SOX30: variants seen among roughly 807,000 people sequenced by gnomAD.
SOX30 encodes the protein SRY-box transcription factor 30, also known as transcription factor SOX-30.
In SOX30, 17 loss-of-function variants were observed where a neutral mutation model predicts 58.6. That is an observed-to-expected ratio of 0.29 (90% confidence interval 0.20 to 0.44). SOX30 has a LOEUF of 0.44. Ranked by LOEUF, SOX30 falls within the 20% of genes least tolerant of loss-of-function variation. SOX30 has a pLI of 1.00. For missense variants in SOX30, 951 were observed against 965.8 expected (o/e 0.98, Z 0.20); for synonymous variants, 421 against 400.2 (o/e 1.05, Z -0.62).
At chr5:157,664,425 C>T (rs577159226) in intron 2 of SOX30, among the ~76,000 whole-genome samples, 75 of 152,294 alleles carry the variant, frequency 4.9e-4, no homozygotes, top group Non-Finnish European at 7.9e-4. Flanking sequence ...CTTCCTTACA[C>T]CTTATACAAA....
At chr5:157,663,986 A>T (rs7731627) in intron 2 of SOX30, among the ~76,000 whole-genome samples, 2 of 152,006 alleles carry the variant, frequency 1.3e-5, no homozygotes, top group Admixed American at 1.3e-4. Context: ...ATGCTCATGG[A>T]TAGGAAGAAT....
chr5:157,657,332 C>T (rs1388021505), upstream of SOX30, among the ~76,000 whole-genome samples: 2 of 152,098 alleles, frequency 1.3e-5, no homozygotes, highest in Non-Finnish European at 2.9e-5. Context: ...ATTTCCTTAT[C>T]AATTGAGACT....
At chr5:157,645,721 G>C (rs534952422) in intron 3 of SOX30, among the ~76,000 whole-genome samples, 2 of 151,694 alleles carry the variant, frequency 1.3e-5, no homozygotes, top group East Asian at 3.9e-4. Flanking sequence ...CTTAAAGATG[G>C]TTAAAACATG....
intron 3 of SOX30, among the ~76,000 whole-genome samples, chr5:157,639,201 G>T (rs757088360): frequency 6.6e-6 from 1 of 152,278 alleles, no homozygotes; most frequent in Non-Finnish European, 1.5e-5. Flanking sequence ...TGATCTAAGA[G>T]AGGGGACAGG....
At position 157,638,273 on chromosome 5, in the gene SOX30, G is replaced by A; in HGVS notation, c.1837C>T (p.His613Tyr). The A allele has an allele frequency of 6.4e-7, 1 of 1,570,290 alleles. No individual in the cohort carries two copies. Among genetic ancestry groups the A allele is most frequent in the Non-Finnish European group, 8.6e-7 (1 of 1,156,750 alleles). Reference protein sequence around the residue: ...LFGTPPRFSFHHPYFLPGPHY... With the variant: ...LFGTPPRFSFYHPYFLPGPHY... ...GGTCCGGGTAGGAAGTAAGGGTGAT[G>A]AAAAGAGAATCTTGGTGGTGTCCCG... Residue 613 changes from histidine to tyrosine, a missense_variant, in exon 4 of 5, where the codon CAT (histidine) becomes TAT (tyrosine). His to Tyr is a moderately conservative substitution (Grantham distance 83). Coordinates refer to ENST00000265007, the MANE Select transcript of SOX30 (RefSeq NM_178424.2).
rs114598247 is a variant in SOX30, at chr5:157,648,976, G to A, written c.968-80C>T. ...CAATTTTAAGGTAAAGTGCACCTCCGTCTATACTTATTTTTGAAATATCTG... is the reference window on the plus strand; with the variant it reads ...CAATTTTAAGGTAAAGTGCACCTCCATCTATACTTATTTTTGAAATATCTG... On this transcript the variant is annotated intron_variant, in intron 1 of 4. Coordinates refer to ENST00000265007, the MANE Select transcript of SOX30 (RefSeq NM_178424.2). 1,608 of 1,478,858 alleles carry A rather than the reference G, an allele frequency of 1.1e-3. 12 individuals carry two copies. In the African/African-American group the frequency reaches 0.02, roughly 18 times the overall value. The allele number at this position is 1,478,858 out of a possible 1,614,324, so 91.6% of individuals were successfully genotyped here.
intron 1 of SOX30, among the ~76,000 whole-genome samples, chr5:157,649,727 T>C (rs544742661): frequency 5.9e-5 from 9 of 152,032 alleles, no homozygotes; most frequent in African/African-American, 2.2e-4. Context: ...GAGGTGGAGG[T>C]TGCAGCGAGC....
Position 157,648,902 on chromosome 5 carries a change from T to A in SOX30, c.968-6A>T. 1 of 1,582,804 alleles carries A rather than the reference T, an allele frequency of 6.3e-7. No homozygotes were observed. Among genetic ancestry groups the A allele is most frequent in the South Asian group, 1.1e-5 (1 of 88,938 alleles). On this transcript the variant is annotated splice_polypyrimidine_tract_variant and splice_region_variant and intron_variant, in intron 1 of 4. Transcript: ENST00000265007. ...GAAGGGAGTATCTGGTATGCCTACATGACAAAAATTAAAAGGCTAAATTAA... is the reference window on the plus strand; with the variant it reads ...GAAGGGAGTATCTGGTATGCCTACAAGACAAAAATTAAAAGGCTAAATTAA...
intron 2 of SOX30, among the ~76,000 whole-genome samples, chr5:157,663,702 C>A (rs1017281808): frequency 6.6e-6 from 1 of 152,120 alleles, no homozygotes; most frequent in African/African-American, 2.4e-5. Context: ...ATTTAGAAAA[C>A]CCCATTGTCT....
intron 3 of SOX30, among the ~76,000 whole-genome samples, chr5:157,642,637 C>CA (rs1019147687): frequency 1.4e-4 from 21 of 151,442 alleles, no homozygotes; most frequent in Non-Finnish European, 2.5e-4. Flanking sequence ...GGCTAACTGG[C>CA]AAAAAAATAA....
At chr5:157,669,979 G>T (rs931666366) in intron 1 of SOX30, among the ~76,000 whole-genome samples, 1 of 152,194 alleles carries the variant, frequency 6.6e-6, no homozygotes, top group Non-Finnish European at 1.5e-5. Context: ...AGCTAGGGCT[G>T]CCTTGTTCTA....
chr5:157,668,169 C>T (rs571238344), intron 1 of SOX30, among the ~76,000 whole-genome samples: 1 of 152,324 alleles, frequency 6.6e-6, no homozygotes, highest in South Asian at 2.1e-4. Context: ...TTGGAGCCTT[C>T]GTTTATGGTC....
intron 4 of SOX30, among the ~76,000 whole-genome samples, chr5:157,634,046 G>A (rs898793335): frequency 7.2e-5 from 11 of 152,196 alleles, no homozygotes; most frequent in Admixed American, 3.9e-4. Flanking sequence ...AACACAATAT[G>A]ATGATGGTTA....
intron 3 of SOX30, among the ~76,000 whole-genome samples, chr5:157,645,104 G>A (rs747482743): frequency 6.6e-6 from 1 of 152,198 alleles, no homozygotes; most frequent in Non-Finnish European, 1.5e-5. Flanking sequence ...GTGCCTGCCT[G>A]TGCTAGGACA....
At chr5:157,669,562 C>A (rs946216322) in intron 1 of SOX30, among the ~76,000 whole-genome samples, 7 of 150,466 alleles carry the variant, frequency 4.7e-5, no homozygotes, top group African/African-American at 1.7e-4. Flanking sequence ...GTCGCCCAGG[C>A]TGGAAGTGCA....
At chr5:157,663,948 G>T (rs1167497624) in intron 2 of SOX30, among the ~76,000 whole-genome samples, 4 of 152,132 alleles carry the variant, frequency 2.6e-5, no homozygotes, top group South Asian at 2.1e-4. Context: ...CAAAATAAAA[G>T]AGGACAAAAA....
rs144564116 is a variant in SOX30 at position 157,645,112 on chromosome 5, A to C, written c.1387+1525T>G. Among the ~76,000 whole-genome samples, 584 of 152,306 alleles carry C rather than the reference A, an allele frequency of 3.8e-3. 3 individuals are homozygous for C. The highest frequency in any genetic ancestry group is 0.013 in the African/African-American group (544 of 41,558). ...ACTGAGAGTGCCTGCCTGTGCTAGG[A>C]CAGAACAGGGCTATAGGATCAGCTT... On this transcript the variant is annotated intron_variant, in intron 3 of 4. Coordinates refer to ENST00000265007, the MANE Select transcript of SOX30 (RefSeq NM_178424.2).
At chr5:157,669,946 A>G (rs1253770952) in intron 1 of SOX30, among the ~76,000 whole-genome samples, 1 of 152,198 alleles carries the variant, frequency 6.6e-6, no homozygotes, top group African/African-American at 2.4e-5. Flanking sequence ...ACTCAAATGC[A>G]TCAGGCTCAC....
chr5:157,640,946 C>T (rs1032864544), intron 3 of SOX30, among the ~76,000 whole-genome samples: 3 of 152,156 alleles, frequency 2.0e-5, no homozygotes, highest in South Asian at 2.1e-4. Context: ...GCCAGAGAAC[C>T]CTTTCTCCTG....
Sources: allele counts gnomAD v4.1 joint callset (sites outside exome capture counted in the v4.1 genomes callset), GRCh38; gene constraint gnomAD v4.1.1; transcripts MANE v1.5; gene names NCBI Gene and HGNC (gene_info 2026-07-23, HGNC 2026-07-21).